The following ADGRB3 variants were observed in gnomAD, a reference collection of about 807,000 sequenced individuals.
ADGRB3 encodes adhesion G protein-coupled receptor B3.
Under a neutral mutation model 193.4 loss-of-function variants are expected in ADGRB3, and 37 were observed. The observed-to-expected ratio is 0.19, with a 90% confidence interval of 0.15 to 0.25. ADGRB3 has a LOEUF of 0.25. Ranked by LOEUF, ADGRB3 falls within the 10% of genes least tolerant of loss-of-function variation. The probability of loss-of-function intolerance (pLI) is 1.00; values close to 1 mark genes in which losing one functional copy is unlikely to be tolerated. For missense variants in ADGRB3, 1,637 were observed against 1,852.9 expected (o/e 0.88, Z 2.14); for synonymous variants, 690 against 644.2 (o/e 1.07, Z -1.08).
chr6:69,384,102 G>GTTGTGATAAGTTATAA (rs1166551759), intron 31 of ADGRB3, among the ~76,000 whole-genome samples: 7 of 151,888 alleles, frequency 4.6e-5, no homozygotes, highest in African/African-American at 1.4e-4. Flanking sequence ...TACAATTCCA[G>GTTGTGATAAGTTATAA]TTGTGATAAG....
chr6:69,254,757 G>T (rs937304774), intron 20 of ADGRB3, among the ~76,000 whole-genome samples: 6 of 149,030 alleles, frequency 4.0e-5, no homozygotes, highest in African/African-American at 1.5e-4. Flanking sequence ...TGCACAATCT[G>T]CAGGTTAGTT....
chr6:69,091,368 A>G (rs543987325), intron 17 of ADGRB3, among the ~76,000 whole-genome samples: 2 of 152,342 alleles, frequency 1.3e-5, no homozygotes, highest in African/African-American at 4.8e-5. Flanking sequence ...TTTTCACAAT[A>G]GCAAAGACAT....
intron 3 of ADGRB3, among the ~76,000 whole-genome samples, chr6:68,796,360 T>A (rs1767207948): frequency 6.6e-6 from 1 of 152,162 alleles, no homozygotes; most frequent in Non-Finnish European, 1.5e-5. Flanking sequence ...ATATATTATA[T>A]GTCTAAACCC....
intron 3 of ADGRB3, among the ~76,000 whole-genome samples, chr6:68,809,616 A>T (rs552064447): frequency 5.6e-4 from 86 of 152,310 alleles, no homozygotes; most frequent in Non-Finnish European, 9.3e-4. Flanking sequence ...CTAGTGAAAA[A>T]CTTAGCATAG....
At chr6:69,068,370 A>C (rs1461756447) in intron 16 of ADGRB3, among the ~76,000 whole-genome samples, 2 of 152,214 alleles carry the variant, frequency 1.3e-5, no homozygotes, top group Non-Finnish European at 2.9e-5. Context: ...TATTGTACCT[A>C]TATAAAATCT....
intron 6 of ADGRB3, among the ~76,000 whole-genome samples, chr6:68,949,249 T>G (rs1767852394): frequency 6.6e-6 from 1 of 152,112 alleles, no homozygotes; most frequent in African/African-American, 2.4e-5. Context: ...AGAAATACCC[T>G]CATACAAGCT....
chr6:69,172,245 C>A lies in ADGRB3; in HGVS notation c.2481-61045C>A, dbSNP rs1056836847. On this transcript the variant is annotated intron_variant, in intron 17 of 31. Transcript: ENST00000370598. The stretch of plus-strand genomic sequence containing the variant: ...TTTGATCTTTTATATTATAGAAAAA[C>A]CAAACCTAATTATGCCTACCTCTGG... Among the ~76,000 whole-genome samples, 7 of 152,074 alleles carry A rather than the reference C, an allele frequency of 4.6e-5. No individual in the cohort carries two copies. In the East Asian group the frequency reaches 5.8e-4, roughly 13 times the overall value.
chr6:69,247,441 G>T (rs1004490072), intron 20 of ADGRB3, among the ~76,000 whole-genome samples: 9 of 152,158 alleles, frequency 5.9e-5, no homozygotes, highest in Non-Finnish European at 1.0e-4. Context: ...CCTAGGGACC[G>T]TGTCTGTGTG....
chr6:68,954,652 G>A (rs960204903), intron 6 of ADGRB3, among the ~76,000 whole-genome samples: 6 of 151,128 alleles, frequency 4.0e-5, no homozygotes, highest in Admixed American at 6.6e-5. Context: ...ATAGTATTAT[G>A]GTATTATGTA....
chr6:68,968,874 A>G (rs141789915), intron 8 of ADGRB3, among the ~76,000 whole-genome samples: 1 of 152,152 alleles, frequency 6.6e-6, no homozygotes, highest in Non-Finnish European at 1.5e-5. Flanking sequence ...TGTTATTTCA[A>G]TTTAAATGTA....
intron 29 of ADGRB3, among the ~76,000 whole-genome samples, chr6:69,363,382 G>A (rs959514913): frequency 1.3e-4 from 20 of 151,972 alleles, no homozygotes; most frequent in African/African-American, 4.1e-4. Flanking sequence ...AGAATATATA[G>A]ATGTGGGAAT....
At chr6:69,208,658 T>C (rs1765589708) in intron 17 of ADGRB3, among the ~76,000 whole-genome samples, 2 of 152,046 alleles carry the variant, frequency 1.3e-5, no homozygotes, top group African/African-American at 4.8e-5. Context: ...TGTCAACTGA[T>C]CATAGGGAAC....
At chr6:69,129,345 A>G (rs972938659) in intron 17 of ADGRB3, among the ~76,000 whole-genome samples, 1 of 152,198 alleles carries the variant, frequency 6.6e-6, no homozygotes, top group African/African-American at 2.4e-5. Flanking sequence ...CACATGAAAT[A>G]AAAACAGAAA....
chr6:68,692,398 G>A (rs1765090178), intron 3 of ADGRB3, among the ~76,000 whole-genome samples: 1 of 151,810 alleles, frequency 6.6e-6, no homozygotes, highest in Non-Finnish European at 1.5e-5. Context: ...CAGCAAGTGA[G>A]GATGCTGAAC....
chr6:69,376,082 CTTTTTT>C (rs58780409), intron 30 of ADGRB3, among the ~76,000 whole-genome samples: 21 of 67,376 alleles, frequency 3.1e-4, no homozygotes, highest in African/African-American at 5.0e-4. Flanking sequence ...ATTATGTAGC[CTTTTTT>C]TTTTTTTTTT....
At chr6:69,354,211 A>C in intron 26 of ADGRB3, 22 bp from the exon 27 acceptor site, 2 of 1,568,816 alleles carry the variant, frequency 1.3e-6, no homozygotes, top group Non-Finnish European at 1.8e-6. Context: ...GAAGAAAATT[A>C]ATGTGTTCCC....
At chr6:68,859,235 C>T (rs1479329682) in intron 3 of ADGRB3, among the ~76,000 whole-genome samples, 1 of 152,204 alleles carries the variant, frequency 6.6e-6, no homozygotes, top group East Asian at 1.9e-4. Context: ...TCTGAGACCA[C>T]CTCAGCCTGT....
chr6:68,732,449 T>G lies in ADGRB3; in HGVS notation c.757+93017T>G, dbSNP rs146298468. Among the ~76,000 whole-genome samples the G allele has an allele frequency of 4.6e-5, 7 of 152,076 alleles. No homozygotes were observed. The East Asian group carries it at 1.4e-3, about 30-fold the overall frequency. ...GGAAAATTGTTTTGGTTATAAAAGCTATACAATTTGAAATTCAGAAATAAA... is the reference window on the plus strand; with the variant it reads ...GGAAAATTGTTTTGGTTATAAAAGCGATACAATTTGAAATTCAGAAATAAA... On this transcript the variant is annotated intron_variant, in intron 3 of 31. Coordinates refer to ENST00000370598, the MANE Select transcript of ADGRB3 (RefSeq NM_001704.3).
chr6:69,363,609 C>A (rs1671889108), intron 29 of ADGRB3, among the ~76,000 whole-genome samples: 1 of 152,016 alleles, frequency 6.6e-6, no homozygotes, highest in South Asian at 2.1e-4. Context: ...CTAGAAGAGA[C>A]AGTAATGAGC....
Sources: gnomAD v4.1 joint callset for allele counts (sites outside exome capture counted in the v4.1 genomes callset) on GRCh38, gnomAD v4.1.1 for gene constraint, MANE v1.5 for transcripts, NCBI Gene and HGNC (gene_info 2026-07-23, HGNC 2026-07-21) for gene names.